ANKRD42: variants seen among roughly 807,000 people sequenced by gnomAD.
The protein encoded by ANKRD42 is ankyrin repeat domain 42, also known as ankyrin repeat domain-containing protein 42.
A neutral mutation model predicts 51.5 loss-of-function variants in ANKRD42; 43 were observed. The ratio of observed to expected loss-of-function variants is 0.83; its 90% CI spans 0.65 to 1.08. The LOEUF (loss-of-function observed/expected upper bound fraction) is 1.08, where lower values mean the gene tolerates loss of function less well. ANKRD42 is among the 50% of genes least tolerant of loss of function. The probability of loss-of-function intolerance (pLI) is 0.00; values close to 1 mark genes in which losing one functional copy is unlikely to be tolerated. For synonymous variants in ANKRD42, 203 were observed against 213.0 expected (o/e 0.95, Z 0.41); for missense variants, 608 against 629.3 (o/e 0.97, Z 0.36).
At chr11:83,232,149 A>C (rs1370518883) in intron 7 of ANKRD42, among the ~76,000 whole-genome samples, 1 of 143,856 alleles carries the variant, frequency 7.0e-6, no homozygotes, top group East Asian at 2.0e-4. Flanking sequence ...ATTGGTATTT[A>C]GATAGGGATT....
intron 9 of ANKRD42, among the ~76,000 whole-genome samples, chr11:83,243,342 A>C (rs565337839): frequency 6.6e-6 from 1 of 152,228 alleles, no homozygotes; most frequent in African/African-American, 2.4e-5. Context: ...TCTCGACATC[A>C]CAGACACTGC....
chr11:83,233,435 A>C (rs1863139012), intron 7 of ANKRD42, among the ~76,000 whole-genome samples: 1 of 151,166 alleles, frequency 6.6e-6, no homozygotes, highest in Non-Finnish European at 1.5e-5. Context: ...GTAATGTCTC[A>C]TTTTCATTTC....
downstream of ANKRD42, among the ~76,000 whole-genome samples, chr11:83,250,162 C>G (rs577963827): frequency 2.0e-5 from 3 of 152,270 alleles, no homozygotes; most frequent in African/African-American, 7.2e-5. Context: ...TCAAGAAGCT[C>G]TGACTAAGTC....
chr11:83,231,405 A>G (rs978331657), intron 7 of ANKRD42, among the ~76,000 whole-genome samples: 1 of 152,080 alleles, frequency 6.6e-6, no homozygotes, highest in Non-Finnish European at 1.5e-5. Flanking sequence ...TAAAAATCAG[A>G]TTATTAGTTT....
intron 7 of ANKRD42, among the ~76,000 whole-genome samples, chr11:83,229,149 C>T (rs1195168950): frequency 6.6e-6 from 1 of 151,780 alleles, no homozygotes; most frequent in Non-Finnish European, 1.5e-5. Flanking sequence ...TTATAGATGA[C>T]CTGCTGCCTT....
chr11:83,195,708 G>A (rs1202120616), intron 1 of ANKRD42, among the ~76,000 whole-genome samples: 1 of 152,010 alleles, frequency 6.6e-6, no homozygotes, highest in Non-Finnish European at 1.5e-5. Flanking sequence ...ATCCATTCCA[G>A]TTTAGTTCAT....
chr11:83,254,308 A>G (rs1379766971), intron 11 of ANKRD42, among the ~76,000 whole-genome samples: 1 of 152,008 alleles, frequency 6.6e-6, no homozygotes, highest in Non-Finnish European at 1.5e-5. Context: ...TTAAAGCACT[A>G]GGAAATTGGC....
intron 2 of ANKRD42, among the ~76,000 whole-genome samples, chr11:83,205,208 G>A (rs1046524597): frequency 2.6e-5 from 4 of 152,074 alleles, no homozygotes; most frequent in African/African-American, 9.7e-5. Flanking sequence ...TGTCGACAGT[G>A]GCTTTATTCT....
chr11:83,225,673 G>T (rs371675758), intron 6 of ANKRD42, among the ~76,000 whole-genome samples: 1 of 151,160 alleles, frequency 6.6e-6, no homozygotes, highest in Admixed American at 6.6e-5. Flanking sequence ...CCAGCTACTC[G>T]GGAGGTTCAG....
At chr11:83,212,700 C>T (rs765842885) in intron 5 of ANKRD42, 10 of 1,535,984 alleles carry the variant, frequency 6.5e-6, no homozygotes. Context: ...GCTTGGCATG[C>T]TGGACTTACA....
chr11:83,194,503 C>A lies in ANKRD42; in HGVS notation c.-168C>A. The A allele has an allele frequency of 1.4e-6, 1 of 731,198 alleles. No homozygotes were observed. Among genetic ancestry groups the A allele is most frequent in the Non-Finnish European group, 2.4e-6 (1 of 409,828 alleles). The allele number at this position is 731,198 out of a possible 1,614,324, so 45.3% of individuals were successfully genotyped here. A position where few individuals can be genotyped will look rare whatever the true frequency, so the allele number is the denominator to read the frequency against. On this transcript the variant is annotated 5_prime_UTR_variant, in exon 1 of 11. Coordinates refer to ENST00000533342, the MANE Select transcript of ANKRD42 (RefSeq NM_001300975.2). ...GAGAGAAAGTGAAGACGAAGGTTTC[C>A]GCTGCAGCTTCTGGGAGAGAGCAAG...
intron 2 of ANKRD42, 34 bp from the exon 3 acceptor site, chr11:83,206,024 A>C (rs761415050): frequency 1.3e-6 from 2 of 1,549,718 alleles, no homozygotes; most frequent in South Asian, 2.3e-5. Flanking sequence ...AAAAACATCC[A>C]CTTTATCACT....
chr11:83,198,255 G>A (rs886494041), intron 1 of ANKRD42, among the ~76,000 whole-genome samples: 1 of 152,114 alleles, frequency 6.6e-6, no homozygotes, highest in Non-Finnish European at 1.5e-5. Flanking sequence ...TTCATTTTCT[G>A]TTCATTCATT....
chr11:83,194,918 C>T (rs1363707985), intron 1 of ANKRD42, among the ~76,000 whole-genome samples, 190 bp downstream of exon 1: 1 of 152,186 alleles, frequency 6.6e-6, no homozygotes, highest in African/African-American at 2.4e-5. Flanking sequence ...CGCTTTCTTT[C>T]CTTTTTTCCA....
chr11:83,251,211 T>G (rs774080633), downstream of ANKRD42, among the ~76,000 whole-genome samples: 5 of 152,160 alleles, frequency 3.3e-5, no homozygotes, highest in Non-Finnish European at 5.9e-5. Context: ...TAAAATCCCC[T>G]AGGAGCCATC....
chr11:83,202,527 A>T (rs1444245472), intron 2 of ANKRD42, among the ~76,000 whole-genome samples: 10 of 152,196 alleles, frequency 6.6e-5, no homozygotes, highest in Non-Finnish European at 1.3e-4. Flanking sequence ...TTCTGTGAAG[A>T]AAGTCAATGG....
Position 83,194,649 on chromosome 11 carries a change from C to A in ANKRD42, c.-22C>A. On this transcript the variant is annotated 5_prime_UTR_variant, in exon 1 of 11. Coordinates refer to ENST00000533342, the MANE Select transcript of ANKRD42 (RefSeq NM_001300975.2). The stretch of plus-strand genomic sequence containing the variant: ...TCAGGGGCCTGGACTCAACTCCTCC[C>A]CAGAGTCGGAGGTGTTGCGCCATGC... 7 of 1,613,292 alleles carry A rather than the reference C, an allele frequency of 4.3e-6. No individual in the cohort carries two copies. Among genetic ancestry groups the A allele is most frequent in the Non-Finnish European group, 5.9e-6 (7 of 1,179,600 alleles).
chr11:83,212,709 C>T (rs1464854733), intron 5 of ANKRD42: 8 of 1,536,112 alleles, frequency 5.2e-6, no homozygotes, highest in Non-Finnish European at 7.0e-6. Flanking sequence ...GCTGGACTTA[C>T]ATAATTTGGC....
chr11:83,238,559 G>A (rs1863289585), intron 8 of ANKRD42, among the ~76,000 whole-genome samples: 2 of 152,206 alleles, frequency 1.3e-5, no homozygotes, highest in South Asian at 4.1e-4. Flanking sequence ...GGCCGGGCAT[G>A]GTGGCTCATG....
Sources: allele counts gnomAD v4.1 joint callset (sites outside exome capture counted in the v4.1 genomes callset), GRCh38; gene constraint gnomAD v4.1.1; transcripts MANE v1.5; gene names NCBI Gene and HGNC (gene_info 2026-07-23, HGNC 2026-07-21).